The following PDE8A variants were observed in gnomAD, a reference collection of about 807,000 sequenced individuals.
The protein encoded by PDE8A is phosphodiesterase 8A.
In PDE8A, 59 loss-of-function variants were observed where a neutral mutation model predicts 105.0. The observed-to-expected ratio is 0.56, with a 90% CI of 0.46 to 0.70. The LOEUF (loss-of-function observed/expected upper bound fraction) is 0.70. Ranked by LOEUF, PDE8A falls within the 30% of genes least tolerant of loss-of-function variation. The probability of loss-of-function intolerance (pLI) is 0.00; values close to 1 mark genes in which losing one functional copy is unlikely to be tolerated. For missense variants in PDE8A, 1,014 were observed against 1,045.9 expected (o/e 0.97, Z 0.42); for synonymous variants, 355 against 371.9 (o/e 0.95, Z 0.52).
In PDE8A at chr15:85,054,183, A is replaced by G. The variant is rs570868858; in HGVS notation, c.187-10187A>G. 5.3e-5 allele frequency among the ~76,000 whole-genome samples: 8 copies of G among 151,998 alleles called. 1 individual carries two copies. Among genetic ancestry groups the G allele is most frequent in the Middle Eastern group, 3.4e-3 (1 of 294 alleles). On this transcript the variant is annotated intron_variant, in intron 1 of 21. Coordinates refer to ENST00000394553, the MANE Select transcript of PDE8A (RefSeq NM_002605.3). ...GAGATGAAGCCAACTTGATCATGGT[A>G]GATAAGCTTTTTGATGTGCTGCTGG...
At chr15:85,007,619 G>T (rs561534083) in intron 1 of PDE8A, among the ~76,000 whole-genome samples, 2 of 152,098 alleles carry the variant, frequency 1.3e-5, no homozygotes, top group East Asian at 1.9e-4. Flanking sequence ...CTTTATAGCT[G>T]TGAGACCTTG....
chr15:85,105,852 C>G, intron 11 of PDE8A, among the ~76,000 whole-genome samples: 1 of 152,132 alleles, frequency 6.6e-6, no homozygotes. Flanking sequence ...AGCTGGTAGT[C>G]TCATTGGGAT....
chr15:85,103,898 G>A (rs1220652688), intron 11 of PDE8A, among the ~76,000 whole-genome samples: 1 of 152,224 alleles, frequency 6.6e-6, no homozygotes. Context: ...GTCTGGGCCT[G>A]TGTCACCTAC....
chr15:85,075,481 T>G (rs899004959), intron 3 of PDE8A, among the ~76,000 whole-genome samples: 1 of 152,226 alleles, frequency 6.6e-6, no homozygotes, highest in African/African-American at 2.4e-5. Context: ...CATCATCTTG[T>G]GGTAATAGAC....
intron 6 of PDE8A, among the ~76,000 whole-genome samples, 186 bp from the exon 7 acceptor site, chr15:85,089,152 A>G (rs2081600272): frequency 6.6e-6 from 1 of 152,148 alleles, no homozygotes; most frequent in African/African-American, 2.4e-5. Flanking sequence ...AAGATACCGC[A>G]GTGTGTACAT....
At chr15:85,010,035 C>G (rs2080215349) in intron 1 of PDE8A, among the ~76,000 whole-genome samples, 3 of 152,106 alleles carry the variant, frequency 2.0e-5, no homozygotes, top group Admixed American at 1.3e-4. Context: ...AGATTACATG[C>G]TATATGATTT....
intron 6 of PDE8A, among the ~76,000 whole-genome samples, chr15:85,085,153 G>A (rs2081531173): frequency 6.6e-6 from 1 of 152,156 alleles, no homozygotes; most frequent in African/African-American, 2.4e-5. Context: ...TAGCCTACAA[G>A]GGTCTCCATG....
intron 3 of PDE8A, among the ~76,000 whole-genome samples, chr15:85,073,470 C>T (rs1234614379): frequency 1.3e-5 from 2 of 152,190 alleles, no homozygotes; most frequent in East Asian, 1.9e-4. Flanking sequence ...TATCCTTAAT[C>T]CAGTGCTTCT....
intron 20 of PDE8A, among the ~76,000 whole-genome samples, chr15:85,136,209 A>G (rs2082406663): frequency 6.6e-6 from 1 of 152,220 alleles, no homozygotes; most frequent in Non-Finnish European, 1.5e-5. Flanking sequence ...CAGTTTCTTT[A>G]GGTCAATACG....
At chr15:85,114,404 C>T (rs866014459) in intron 14 of PDE8A, among the ~76,000 whole-genome samples, 9 of 152,134 alleles carry the variant, frequency 5.9e-5, no homozygotes, top group South Asian at 2.1e-4. Context: ...GTCTTTCTCC[C>T]GCCATATGTA....
At chr15:84,993,604 G>T (rs371481537) in intron 1 of PDE8A, among the ~76,000 whole-genome samples, 2 of 152,034 alleles carry the variant, frequency 1.3e-5, no homozygotes. Context: ...TGGGCTGGGC[G>T]TAGTGGCTCA....
intron 1 of PDE8A, among the ~76,000 whole-genome samples, chr15:85,055,851 A>G (rs910888696): frequency 4.5e-4 from 69 of 152,110 alleles, no homozygotes; most frequent in Non-Finnish European, 7.4e-4. Context: ...TCCTGTCATT[A>G]TGATGTTAGC....
intron 8 of PDE8A, among the ~76,000 whole-genome samples, chr15:85,097,615 C>A (rs2081778943): frequency 6.6e-6 from 1 of 152,220 alleles, no homozygotes; most frequent in Admixed American, 6.5e-5. Flanking sequence ...GCTAAGCCCC[C>A]TCTTCCACTT....
At chr15:85,053,443 C>T (rs1345178842) in intron 1 of PDE8A, among the ~76,000 whole-genome samples, 1 of 152,170 alleles carries the variant, frequency 6.6e-6, no homozygotes, top group Non-Finnish European at 1.5e-5. Context: ...TTGATTCTTC[C>T]TATCTGTGAG....
intron 1 of PDE8A, among the ~76,000 whole-genome samples, chr15:85,009,003 G>C (rs1300124482): frequency 6.6e-6 from 1 of 152,036 alleles, no homozygotes; most frequent in Non-Finnish European, 1.5e-5. Flanking sequence ...GGAGGTACAA[G>C]TTTTGAGTCC....
chr15:84,994,659 A>G (rs1344863394), intron 1 of PDE8A, among the ~76,000 whole-genome samples: 1 of 152,106 alleles, frequency 6.6e-6, no homozygotes, highest in African/African-American at 2.4e-5. Flanking sequence ...TTTTTCTTTG[A>G]TATATTTTAA....
rs191648944 is a variant in PDE8A, at chr15:85,126,192, C to G, written c.2086-15C>G. The G allele has an allele frequency of 7.0e-5, 111 of 1,595,994 alleles. No individual in the cohort carries two copies. The highest frequency in any genetic ancestry group is 9.2e-5 in the Non-Finnish European group (107 of 1,168,830). ...GGATCCATTTTGATTGCTTTGAATT[C>G]CACTCATGTTTCAGGAAACTGATAA... On this transcript the variant is annotated splice_polypyrimidine_tract_variant and intron_variant, in intron 19 of 21. Transcript: ENST00000394553.
chr15:85,061,499 C>G (rs145281167), intron 1 of PDE8A, among the ~76,000 whole-genome samples: 2 of 152,236 alleles, frequency 1.3e-5, no homozygotes, highest in Admixed American at 1.3e-4. Flanking sequence ...CTCAGCCTCC[C>G]AAAGTGCTGG....
chr15:84,996,019 T>C (rs1455985304), intron 1 of PDE8A, among the ~76,000 whole-genome samples: 2 of 152,244 alleles, frequency 1.3e-5, no homozygotes, highest in Non-Finnish European at 2.9e-5. Flanking sequence ...TGTGAATTTT[T>C]CATGTTTGTT....
Sources: gnomAD v4.1 joint callset for allele counts (sites outside exome capture counted in the v4.1 genomes callset) on GRCh38, gnomAD v4.1.1 for gene constraint, MANE v1.5 for transcripts, NCBI Gene and HGNC (gene_info 2026-07-23, HGNC 2026-07-21) for gene names.